Variants in ROBO1 observed in about 807,000 individuals in gnomAD.
ROBO1 encodes the protein roundabout homolog 1.
ROBO1 carries 149 observed loss-of-function variants against 195.9 expected under a neutral mutation model. The ratio of observed to expected loss-of-function variants is 0.76; its 90% CI spans 0.67 to 0.87. The LOEUF (loss-of-function observed/expected upper bound fraction) is 0.87, where lower values mean the gene tolerates loss of function less well. ROBO1 is among the 40% of genes least tolerant of loss of function. The probability of loss-of-function intolerance (pLI) is 0.00; values close to 1 mark genes in which losing one functional copy is unlikely to be tolerated. For missense variants in ROBO1, 1,933 were observed against 2,068.3 expected, an observed-to-expected ratio of 0.93 and a Z score of 1.27; for synonymous variants, 816 against 733.2, an observed-to-expected ratio of 1.11 and a Z score of -1.82.
intron 1 of ROBO1, among the ~76,000 whole-genome samples, chr3:79,620,216 A>T (rs895280365): frequency 7.2e-5 from 11 of 152,134 alleles, no homozygotes; most frequent in African/African-American, 2.7e-4. Flanking sequence ...AACCACTCCC[A>T]GAGCCCCTGG....
At chr3:79,537,203 G>T (rs1026872403) in intron 2 of ROBO1, among the ~76,000 whole-genome samples, 1 of 151,954 alleles carries the variant, frequency 6.6e-6, no homozygotes, top group Admixed American at 6.6e-5. Flanking sequence ...ATAGTTAGTG[G>T]TATAGCTGGA....
intron 4 of ROBO1, among the ~76,000 whole-genome samples, chr3:78,814,294 T>A (rs1299669001): frequency 6.6e-6 from 1 of 152,086 alleles, no homozygotes; most frequent in East Asian, 1.9e-4. Flanking sequence ...ACTAAAAAGT[T>A]GAAATTAATT....
At chr3:79,336,081 A>G (rs2034653526) in intron 2 of ROBO1, among the ~76,000 whole-genome samples, 1 of 152,196 alleles carries the variant, frequency 6.6e-6, no homozygotes, top group Non-Finnish European at 1.5e-5. Flanking sequence ...CCAAGTGGCA[A>G]AGCATTCAAG....
chr3:79,160,545 A>G (rs992991401), intron 2 of ROBO1, among the ~76,000 whole-genome samples: 4 of 152,012 alleles, frequency 2.6e-5, no homozygotes, highest in African/African-American at 9.7e-5. Context: ...CAGCTTGTAA[A>G]GGGAACTGCT....
chr3:79,703,638 T>G (rs1947684543), intron 1 of ROBO1, among the ~76,000 whole-genome samples: 1 of 151,958 alleles, frequency 6.6e-6, no homozygotes, highest in South Asian at 2.1e-4. Context: ...TTATAGAAAG[T>G]TTCATTTGTA....
intron 3 of ROBO1, chr3:79,018,628 T>C: frequency 5.5e-6 from 8 of 1,447,794 alleles, no homozygotes; most frequent in African/African-American, 1.4e-5. Context: ...TTCCGGACGC[T>C]TGTCAGTATC....
At chr3:79,222,484 C>T (rs752193983) in intron 2 of ROBO1, among the ~76,000 whole-genome samples, 1 of 151,848 alleles carries the variant, frequency 6.6e-6, no homozygotes, top group Non-Finnish European at 1.5e-5. Flanking sequence ...AAATAAAATG[C>T]TGAAGAAGTC....
intron 2 of ROBO1, among the ~76,000 whole-genome samples, chr3:79,185,584 A>T (rs1301959182): frequency 6.6e-6 from 1 of 152,168 alleles, no homozygotes. Flanking sequence ...GATTAGAAAT[A>T]GTCACATTTC....
intron 4 of ROBO1, among the ~76,000 whole-genome samples, chr3:78,757,050 C>T (rs1050322145): frequency 8.5e-5 from 13 of 152,090 alleles, no homozygotes; most frequent in African/African-American, 2.9e-4. Context: ...CACCACCATG[C>T]CCAGCTAATT....
chr3:78,665,572 A>G (rs1055181751), intron 14 of ROBO1, among the ~76,000 whole-genome samples: 2 of 152,206 alleles, frequency 1.3e-5, no homozygotes, highest in African/African-American at 4.8e-5. Context: ...TACGACATCC[A>G]CAAATTTTAT....
chr3:78,937,520 A>G (rs967004888), intron 4 of ROBO1, among the ~76,000 whole-genome samples: 2 of 152,062 alleles, frequency 1.3e-5, no homozygotes, highest in Non-Finnish European at 2.9e-5. Flanking sequence ...TTTTTGTCAT[A>G]TTATATACAG....
At chr3:79,529,011 T>A (rs1008542688) in intron 2 of ROBO1, among the ~76,000 whole-genome samples, 1 of 152,218 alleles carries the variant, frequency 6.6e-6, no homozygotes, top group Non-Finnish European at 1.5e-5. Flanking sequence ...GTACTTGAAG[T>A]CAATGACAGT....
In ROBO1 at chr3:78,668,046, A is replaced by G; in HGVS notation, c.1803T>C (p.His601=). 1 of 1,613,540 alleles carries G rather than the reference A, an allele frequency of 6.2e-7. No individual in the cohort carries two copies. The highest frequency in any genetic ancestry group is 8.5e-7 in the Non-Finnish European group (1 of 1,179,636). The change falls in exon 14 of 31, where the codon CAT becomes CAC. Residue 601 remains histidine (H), a synonymous_variant. Transcript: ENST00000464233. ...CGGTCTGCCAGCTGCTACCAGATGC[A>G]TGGCTAAGGATAGACACACAGGTTA... ...PTSYIIEAFS[H]ASGSSWQTVA...
intron 4 of ROBO1, among the ~76,000 whole-genome samples, chr3:78,756,987 G>A (rs1252407764): frequency 6.6e-6 from 1 of 152,080 alleles, no homozygotes; most frequent in African/African-American, 2.4e-5. Flanking sequence ...CGCCTTCTGG[G>A]TTCAACTGAT....
chr3:78,786,675 A>AG (rs1409303513), intron 4 of ROBO1, among the ~76,000 whole-genome samples: 3 of 152,090 alleles, frequency 2.0e-5, no homozygotes, highest in Non-Finnish European at 2.9e-5. Flanking sequence ...GGTTTTATAA[A>AG]GGCAGTTCCC....
intron 2 of ROBO1, among the ~76,000 whole-genome samples, chr3:79,289,973 A>C (rs2109024602): frequency 6.6e-6 from 1 of 152,234 alleles, no homozygotes; most frequent in African/African-American, 2.4e-5. Context: ...AACAAAAAAA[A>C]AATTGACCTT....
intron 2 of ROBO1, among the ~76,000 whole-genome samples, chr3:79,127,007 GAA>G (rs1269968139): frequency 8.6e-5 from 9 of 104,884 alleles, no homozygotes; most frequent in African/African-American, 1.4e-4. Context: ...TGGCTAAAAC[GAA>G]AAAAAAAAAA....
At chr3:78,666,600 A>G (rs2107694635) in intron 14 of ROBO1, among the ~76,000 whole-genome samples, 1 of 152,316 alleles carries the variant, frequency 6.6e-6, no homozygotes, top group Non-Finnish European at 1.5e-5. Flanking sequence ...GCAGGCTGCA[A>G]GTATAGTAAA....
At chr3:78,962,291 G>C (rs2041390963) in intron 3 of ROBO1, among the ~76,000 whole-genome samples, 1 of 151,844 alleles carries the variant, frequency 6.6e-6, no homozygotes, top group Admixed American at 6.6e-5. Context: ...AAATCTCTCT[G>C]GGTGTGAATG....
Sources: gnomAD v4.1 joint callset for allele counts (sites outside exome capture counted in the v4.1 genomes callset) on GRCh38, gnomAD v4.1.1 for gene constraint, MANE v1.5 for transcripts, NCBI Gene and HGNC (gene_info 2026-07-23, HGNC 2026-07-21) for gene names.